Variants in NHSL2 observed in about 807,000 individuals in gnomAD.
NHSL2 encodes NHS like 2.
NHSL2 carries 27 observed loss-of-function variants against 53.4 expected under a neutral mutation model. That is an observed-to-expected ratio of 0.51 (90% confidence interval 0.37 to 0.70). The LOEUF is 0.70. Ranked by LOEUF, NHSL2 falls within the 30% of genes least tolerant of loss-of-function variation. The probability of loss-of-function intolerance (pLI) is 0.00; values close to 1 mark genes in which losing one functional copy is unlikely to be tolerated. For synonymous variants in NHSL2, 408 were observed against 404.1 expected (o/e 1.01, Z -0.12); for missense variants, 892 against 980.1 (o/e 0.91, Z 1.20).
chrX:72,036,022 T>G (rs188576685), intron 1 of NHSL2, among the ~76,000 whole-genome samples: 1 of 111,976 alleles, frequency 8.9e-6, no homozygotes. Flanking sequence ...CTAAGCTGCA[T>G]GCTCCTTATG....
At chrX:72,124,151 G>T (rs976056043) in intron 1 of NHSL2, among the ~76,000 whole-genome samples, 1 of 107,226 alleles carries the variant, frequency 9.3e-6, no homozygotes, top group Middle Eastern at 4.9e-3. Context: ...CATTAAGGGG[G>T]TGGTCTCTTG....
In NHSL2 at chrX:72,140,136, CAGAGAGAA is replaced by C; in HGVS notation, c.2592_2599del (p.Glu864AspfsTer7). On this transcript the variant is annotated frameshift_variant, in exon 6 of 8. Coordinates refer to ENST00000633930, the MANE Select transcript of NHSL2 (RefSeq NM_001013627.3). LOFTEE classifies it high-confidence loss of function. Reference sequence around the variant, plus strand: ...AGAGCAGAAGAAGTCTTCACCTTGCCAGAGAGAAAGACAAAACCTCCCGTAGCTGAGAA... The same window carrying C: ...AGAGCAGAAGAAGTCTTCACCTTGCCAGACAAAACCTCCCGTAGCTGAGAA... 8.3e-7 allele frequency: 1 copy of C among 1,210,885 alleles called. No homozygotes were observed. Among genetic ancestry groups the C allele is most frequent in the Middle Eastern group, 2.3e-4 (1 of 4,347 alleles).
At chrX:71,946,931 A>T (rs1393951141) in intron 1 of NHSL2, among the ~76,000 whole-genome samples, 1 of 111,513 alleles carries the variant, frequency 9.0e-6, no homozygotes, top group Non-Finnish European at 1.9e-5. Context: ...ATCCATGGAG[A>T]CTACACATGT....
Position 72,139,599 on chromosome X carries a change from C to A in NHSL2, c.2051C>A (p.Ala684Asp). ...ESLASPSTSR[A>D]TTPSQLSIEV... ...CTTGCCTCACCTTCCACCTCCAGAGCCACTACACCTTCCCAACTCTCCATT... is the reference window on the plus strand; with the variant it reads ...CTTGCCTCACCTTCCACCTCCAGAGACACTACACCTTCCCAACTCTCCATT... Residue 684 changes from alanine to aspartate, a missense_variant, in exon 6 of 8, where the codon GCC becomes GAC. Ala to Asp is a moderately radical substitution (Grantham distance 126). Transcript: ENST00000633930. 8.3e-7 allele frequency: 1 copy of A among 1,210,498 alleles called. No homozygotes were observed. The highest frequency in any genetic ancestry group is 1.1e-6 in the Non-Finnish European group (1 of 894,456).
intron 1 of NHSL2, among the ~76,000 whole-genome samples, chrX:72,064,583 G>C (rs1401570343): frequency 1.8e-5 from 2 of 112,244 alleles, no homozygotes; most frequent in African/African-American, 6.5e-5. Context: ...TCCAGAGATA[G>C]TACCACCTGC....
chrX:72,006,197 G>A (rs904366078), intron 1 of NHSL2, among the ~76,000 whole-genome samples: 9 of 111,944 alleles, frequency 8.0e-5, no homozygotes, highest in African/African-American at 2.6e-4. Context: ...CTGCCTGTCC[G>A]AATTTTCTTT....
At chrX:72,058,484 A>G (rs776660124) in intron 1 of NHSL2, among the ~76,000 whole-genome samples, 13 of 111,796 alleles carry the variant, frequency 1.2e-4, no homozygotes, top group Non-Finnish European at 2.3e-4. Context: ...AGCTGGGATT[A>G]CAGGCACGCG....
intron 1 of NHSL2, among the ~76,000 whole-genome samples, chrX:72,126,949 C>G (rs778902631): frequency 8.9e-6 from 1 of 111,832 alleles, no homozygotes; most frequent in Non-Finnish European, 1.9e-5. Flanking sequence ...CACAAATGCA[C>G]AGAACTGTAG....
chrX:72,063,836 G>A (rs904678203), intron 1 of NHSL2, among the ~76,000 whole-genome samples: 1 of 110,381 alleles, frequency 9.1e-6, no homozygotes, highest in African/African-American at 3.3e-5. Context: ...TGTACCGTGG[G>A]AATTAACTCA....
chrX:71,997,987 TC>T (rs2042056825), intron 1 of NHSL2, among the ~76,000 whole-genome samples: 1 of 112,245 alleles, frequency 8.9e-6, no homozygotes, highest in South Asian at 3.7e-4. Context: ...TTAGTGTTGC[TC>T]CTCCTTGTAA....
At chrX:71,972,867 TG>T (rs1217639195) in intron 1 of NHSL2, among the ~76,000 whole-genome samples, 1 of 2,536 alleles carries the variant, frequency 3.9e-4, no homozygotes, top group Non-Finnish European at 0.018. Context: ...TCTTTATTGT[TG>T]TGTGTGTGTG....
chrX:71,953,474 A>G (rs1163653991), intron 1 of NHSL2, among the ~76,000 whole-genome samples: 1 of 112,482 alleles, frequency 8.9e-6, no homozygotes, highest in Non-Finnish European at 1.9e-5. Context: ...TTGAAAAAAA[A>G]TTAACTAAAT....
At chrX:71,936,238 C>T (rs910916535) in intron 1 of NHSL2, among the ~76,000 whole-genome samples, 6 of 111,834 alleles carry the variant, frequency 5.4e-5, no homozygotes, top group African/African-American at 9.8e-5. Context: ...GCTGTGCTCC[C>T]GAAGCCTAGA....
chrX:71,979,434 CTT>C (rs1389797371), intron 1 of NHSL2, among the ~76,000 whole-genome samples: 5 of 111,624 alleles, frequency 4.5e-5, no homozygotes, highest in Admixed American at 2.8e-4. Flanking sequence ...TGTCTCCTGA[CTT>C]TTTAATGATC....
chrX:72,131,359 A>G (rs1389476779), intron 1 of NHSL2: 1 of 1,206,253 alleles, frequency 8.3e-7, no homozygotes, highest in Non-Finnish European at 1.1e-6. Context: ...AAGGACGGGC[A>G]CTATGGGTAC....
chrX:72,043,074 T>C (rs1377521842), intron 1 of NHSL2, among the ~76,000 whole-genome samples: 1 of 111,158 alleles, frequency 9.0e-6, no homozygotes, highest in African/African-American at 3.3e-5. Flanking sequence ...CCGCTGAGGT[T>C]CCCACAATTG....
chrX:72,012,990 T>C (rs747253559), intron 1 of NHSL2, among the ~76,000 whole-genome samples: 1 of 112,595 alleles, frequency 8.9e-6, no homozygotes, highest in Non-Finnish European at 1.9e-5. Context: ...CACTTTATTC[T>C]CCCTTTTCAA....
chrX:71,983,932 T>C (rs2041991575), intron 1 of NHSL2, among the ~76,000 whole-genome samples: 1 of 111,318 alleles, frequency 9.0e-6, no homozygotes, highest in South Asian at 3.9e-4. Context: ...ATGACCTGTA[T>C]CTTGTGCCGA....
chrX:72,120,516 T>C (rs906659373), intron 1 of NHSL2, among the ~76,000 whole-genome samples: 1 of 112,277 alleles, frequency 8.9e-6, no homozygotes, highest in African/African-American at 3.2e-5. Context: ...ATCCCTTTTG[T>C]TTCTGTAAGG....
Sources: gnomAD v4.1 joint callset for allele counts (sites outside exome capture counted in the v4.1 genomes callset) on GRCh38, gnomAD v4.1.1 for gene constraint, MANE v1.5 for transcripts, NCBI Gene and HGNC (gene_info 2026-07-23, HGNC 2026-07-21) for gene names.